C6orf132: variants seen among roughly 807,000 people sequenced by gnomAD.
C6orf132 encodes the protein chromosome 6 open reading frame 132, also known as uncharacterized protein C6orf132.
A neutral mutation model predicts 65.3 loss-of-function variants in C6orf132; 43 were observed. The observed-to-expected ratio is 0.66, with a 90% CI of 0.52 to 0.85. The LOEUF is 0.85. Among genes scored for constraint, C6orf132 ranks in the 40% least tolerant of loss-of-function variants. The probability of loss-of-function intolerance (pLI) is 0.00; values close to 1 mark genes in which losing one functional copy is unlikely to be tolerated. For synonymous variants in C6orf132, 631 were observed against 654.1 expected (o/e 0.96, Z 0.54); for missense variants, 1,488 against 1,548.8 (o/e 0.96, Z 0.66).
rs1417021799 is a variant in C6orf132 at position 42,106,987 on chromosome 6, G to A, written c.925C>T (p.Pro309Ser). 1.3e-6 allele frequency: 2 copies of A among 1,535,832 alleles called. No homozygotes were observed. The highest frequency in any genetic ancestry group is 3.3e-4 in the Middle Eastern group (2 of 5,982). Residue 309 changes from proline (P) to serine (S), a missense_variant, in exon 4 of 5, where the codon CCA becomes TCA. Pro to Ser is a moderately conservative substitution (Grantham distance 74). Coordinates refer to ENST00000341865, the MANE Select transcript of C6orf132 (RefSeq NM_001164446.3). ...PRSFKVPPPT[P>S]VRTSSIPVQE... is the part of the protein sequence containing the mutation. ...ACTGGGATGGACGAAGTCCTGACTG[G>A]GGTTGGGGGAGGCACTTTGAAAGAA...
intron 2 of C6orf132, among the ~76,000 whole-genome samples, chr6:42,116,202 A>G (rs1766568677): frequency 6.6e-6 from 1 of 152,026 alleles, no homozygotes; most frequent in African/African-American, 2.4e-5. Context: ...TGCTGGGATT[A>G]CAGGCATGAG....
chr6:42,110,419 C>G, intron 2 of C6orf132, 128 bp from the exon 3 acceptor site: 2 of 637,468 alleles, frequency 3.1e-6, no homozygotes, highest in Admixed American at 7.2e-5. Flanking sequence ...TAACCTTGTG[C>G]ATATACCAAA....
In C6orf132 at chr6:42,107,217, G is replaced by A; in HGVS notation, c.695C>T (p.Pro232Leu). The A allele has an allele frequency of 7.0e-7, 1 of 1,422,150 alleles. No homozygotes were observed. The allele number at this position is 1,422,150 out of a possible 1,614,324, so 88.1% of individuals were successfully genotyped here. A position where few individuals can be genotyped will look rare whatever the true frequency, so the allele number is the denominator to read the frequency against. Reference protein sequence around the residue: ...AFLAPPPPPVPAPAPPAPASP... With the variant: ...AFLAPPPPPVLAPAPPAPASP... ...TGCTGGAGCTGGGGGTGCTGGGGCT[G>A]GCACAGGAGGCGGTGGGGGGGCTAG... Residue 232 changes from proline (P) to leucine (L), a missense_variant, in exon 4 of 5, where the codon CCA becomes CTA. Coordinates refer to ENST00000341865, the MANE Select transcript of C6orf132 (RefSeq NM_001164446.3).
chr6:42,139,268 T>C (rs62415942), intron 1 of C6orf132, among the ~76,000 whole-genome samples: 4,781 of 152,322 alleles, frequency 0.031, 100 homozygotes, highest in Non-Finnish European at 0.049. Flanking sequence ...CCACTCTCTC[T>C]GAGACTTTGA....
Position 42,107,375 on chromosome 6 carries a change from TTCCAGCAGCAGGGGAGGTGGTGGGGG to T in C6orf132, c.511_536del (p.Pro171ThrfsTer34). Reference sequence around the variant, plus strand: ...GGGCCATGCTGGGCGGGGGTGGGGGTTCCAGCAGCAGGGGAGGTGGTGGGGGTGCTGTGGAAGGTGGAGATGGCAGT... The same window carrying T: ...GGGCCATGCTGGGCGGGGGTGGGGGTTGCTGTGGAAGGTGGAGATGGCAGT... On this transcript the variant is annotated frameshift_variant, in exon 4 of 5. Coordinates refer to ENST00000341865, the MANE Select transcript of C6orf132 (RefSeq NM_001164446.3). LOFTEE classifies it high-confidence loss of function. The T allele has an allele frequency of 6.0e-6, 4 of 663,310 alleles. No individual in the cohort carries two copies. Among genetic ancestry groups the T allele is most frequent in the Non-Finnish European group, 9.0e-6 (4 of 446,418 alleles). 41.1% of individuals were successfully genotyped at this position (663,310 alleles called of 1,614,324 possible). A position where few individuals can be genotyped will look rare whatever the true frequency, so the allele number is the denominator to read the frequency against.
chr6:42,112,582 G>A (rs1766511495), intron 2 of C6orf132, among the ~76,000 whole-genome samples: 1 of 152,124 alleles, frequency 6.6e-6, no homozygotes, highest in African/African-American at 2.4e-5. Flanking sequence ...AAAGCACTTG[G>A]GAGCCATCCC....
Position 42,106,330 on chromosome 6 carries a change from GA to G in C6orf132, c.1581del (p.Pro528LeufsTer10). The G allele has an allele frequency of 6.5e-7, 1 of 1,536,748 alleles. No homozygotes were observed. The highest frequency in any genetic ancestry group is 1.4e-5 in the African/African-American group (1 of 73,144). On this transcript the variant is annotated frameshift_variant, in exon 4 of 5. Transcript: ENST00000341865. LOFTEE classifies it high-confidence loss of function. ...SLPAKDTPPG[V>X]PEKSLGGSSL... ...CTGCTGCCGCCAAGACTCTTTTCAG[GA>G]ACACCTGGGGGAGTGTCCTTTGCTG...
intron 1 of C6orf132, among the ~76,000 whole-genome samples, chr6:42,132,856 CAA>C (rs529784118): frequency 4.4e-5 from 4 of 91,786 alleles, no homozygotes; most frequent in African/African-American, 5.1e-5. Context: ...GACTCTGTCT[CAA>C]AAAAAAAAAA....
intron 1 of C6orf132, among the ~76,000 whole-genome samples, chr6:42,140,432 G>A (rs1487375835): frequency 6.6e-6 from 1 of 152,234 alleles, no homozygotes; most frequent in Non-Finnish European, 1.5e-5. Context: ...TTTCCAGGCA[G>A]ATGCCCCTCA....
rs1474496273 is a variant in C6orf132 at position 42,107,097 on chromosome 6, G to C, written c.815C>G (p.Thr272Ser). 1 of 1,462,454 alleles carries C rather than the reference G, an allele frequency of 6.8e-7. No individual in the cohort carries two copies. Among genetic ancestry groups the C allele is most frequent in the South Asian group, 1.4e-5 (1 of 72,952 alleles). The allele number at this position is 1,462,454 out of a possible 1,614,324, so 90.6% of individuals were successfully genotyped here. The change falls in exon 4 of 5, where the codon ACC becomes AGC. Residue 272 changes from threonine (T) to serine (S), a missense_variant. Transcript: ENST00000341865. ...VALNGRQAEA[T>S]RASPPRSPAE... ...AGGGCTTCTCGGGGGGCTGGCTCTG[G>C]TGGCCTCTGCCTGCCTGCCATTCAG...
chr6:42,133,516 G>C (rs190144599), intron 1 of C6orf132, among the ~76,000 whole-genome samples: 6 of 152,284 alleles, frequency 3.9e-5, no homozygotes, highest in South Asian at 4.1e-4. Context: ...AGCTTCCAGA[G>C]AAAGAGAGTC....
chr6:42,136,311 G>A (rs1193887439), intron 1 of C6orf132, among the ~76,000 whole-genome samples: 5 of 151,972 alleles, frequency 3.3e-5, no homozygotes, highest in South Asian at 2.1e-4. Context: ...ATACTTTTCC[G>A]GAAGCCTCCC....
Position 42,106,555 on chromosome 6 carries a change from T to TGGCTTCTTCAGCACA in C6orf132, c.1356_1357insTGTGCTGAAGAAGCC (p.Asn452_Thr453insCysAlaGluGluAla). ...CAGTCCACAGGTGCTGAAGACGCTGTGTTCTCTGGGCTGGGGGGGTTGGGT... is the reference window on the plus strand; with the variant it reads ...CAGTCCACAGGTGCTGAAGACGCTGTGGCTTCTTCAGCACAGTTCTCTGGGCTGGGGGGGTTGGGT... On this transcript the variant is annotated inframe_insertion, in exon 4 of 5. Coordinates refer to ENST00000341865, the MANE Select transcript of C6orf132 (RefSeq NM_001164446.3). The TGGCTTCTTCAGCACA allele has an allele frequency of 1.3e-6, 2 of 1,535,122 alleles. No individual in the cohort carries two copies. Among genetic ancestry groups the TGGCTTCTTCAGCACA allele is most frequent in the Non-Finnish European group, 1.7e-6 (2 of 1,146,372 alleles).
At chr6:42,128,896 G>A (rs1349914553) in intron 1 of C6orf132, 118 bp from the exon 2 acceptor site, 1 of 694,686 alleles carries the variant, frequency 1.4e-6, no homozygotes, top group Non-Finnish European at 2.5e-6. Flanking sequence ...GTCTCCCAGT[G>A]TTGGATTCAG....
At position 42,106,367 on chromosome 6, in the gene C6orf132, G is replaced by A. The variant is rs1458173948; in HGVS notation, c.1545C>T (p.Leu515=). The part of the protein sequence containing the change: ...KGPRLPEKET[L]LSLPAKDTPP... Reference sequence around the variant, plus strand: ...GAGTGTCCTTTGCTGGCAGGCTCAGGAGAGTCTCCTTCTCAGGCAGGCGGG... The same window carrying A: ...GAGTGTCCTTTGCTGGCAGGCTCAGAAGAGTCTCCTTCTCAGGCAGGCGGG... Residue 515 remains leucine (L), a synonymous_variant, in exon 4 of 5, where the codon CTC becomes CTT. Coordinates refer to ENST00000341865, the MANE Select transcript of C6orf132 (RefSeq NM_001164446.3). The A allele has an allele frequency of 6.5e-7, 1 of 1,536,388 alleles. No homozygotes were observed. Among genetic ancestry groups the A allele is most frequent in the Non-Finnish European group, 8.7e-7 (1 of 1,146,858 alleles).
At chr6:42,109,446 T>TAAA (rs892182559) in intron 3 of C6orf132, among the ~76,000 whole-genome samples, 13 of 151,372 alleles carry the variant, frequency 8.6e-5, no homozygotes, top group Admixed American at 6.6e-4. Context: ...AATAAATAAA[T>TAAA]AAATAAATAA....
rs58496089 is a variant in C6orf132 at position 42,102,221 on chromosome 6, C to CTTTTTTTTTTTTTTTTTTTTTTT, written c.*1517_*1539dup. 2.2e-5 allele frequency: 2 copies of CTTTTTTTTTTTTTTTTTTTTTTT among 92,182 alleles called. No homozygotes were observed. Among genetic ancestry groups the CTTTTTTTTTTTTTTTTTTTTTTT allele is most frequent in the Non-Finnish European group, 1.9e-5 (1 of 51,494 alleles). The allele number at this position is 92,182 out of a possible 1,614,324, so 5.7% of individuals were successfully genotyped here. A position where few individuals can be genotyped will look rare whatever the true frequency, so the allele number is the denominator to read the frequency against. On this transcript the variant is annotated 3_prime_UTR_variant, in exon 5 of 5. Transcript: ENST00000341865. ...CCCTACTGATAGGTCTCCCCTGCTC[C>CTTTTTTTTTTTTTTTTTTTTTTT]TTTTTTTTTTTTTTTTTTTTTTTTT... is the stretch of plus-strand genomic sequence containing the variant.
intron 3 of C6orf132, 148 bp from the exon 4 acceptor site, chr6:42,107,731 G>T: frequency 1.0e-6 from 1 of 996,276 alleles, no homozygotes. Flanking sequence ...GAGCAGCCCT[G>T]TGTCCAGTCT....
At chr6:42,137,090 C>T (rs1341172107) in intron 1 of C6orf132, among the ~76,000 whole-genome samples, 1 of 152,216 alleles carries the variant, frequency 6.6e-6, no homozygotes, top group African/African-American at 2.4e-5. Context: ...TTGAGCTACC[C>T]CGGACTGGAA....
Sources: gnomAD v4.1 joint callset for allele counts (sites outside exome capture counted in the v4.1 genomes callset) on GRCh38, gnomAD v4.1.1 for gene constraint, MANE v1.5 for transcripts, NCBI Gene and HGNC (gene_info 2026-07-23, HGNC 2026-07-21) for gene names.